Variants in TSNARE1 observed in about 807,000 individuals in gnomAD.
TSNARE1 encodes t-SNARE domain containing 1.
In TSNARE1, 49 loss-of-function variants were observed where a neutral mutation model predicts 62.0. That is an observed-to-expected ratio of 0.79 (90% CI 0.63 to 1.00). The LOEUF is 1.00. Among genes scored for constraint, TSNARE1 ranks in the 50% least tolerant of loss-of-function variants. The pLI, the probability that TSNARE1 is intolerant of heterozygous loss-of-function variation, is 0.00. For missense variants in TSNARE1, 755 were observed against 700.1 expected (o/e 1.08, Z -0.88); for synonymous variants, 328 against 294.4 (o/e 1.11, Z -1.17).
chr8:142,356,935 G>A (rs1374080509), intron 1 of TSNARE1, among the ~76,000 whole-genome samples: 1 of 152,112 alleles, frequency 6.6e-6, no homozygotes, highest in Non-Finnish European at 1.5e-5. Flanking sequence ...GGACAGGAAG[G>A]GGGGACGCCA....
chr8:142,356,890 G>C (rs922596867), intron 1 of TSNARE1, among the ~76,000 whole-genome samples: 4 of 152,042 alleles, frequency 2.6e-5, no homozygotes, highest in African/African-American at 7.3e-5. Context: ...TCAAAGGAAC[G>C]AGCTCAGATA....
intron 1 of TSNARE1, among the ~76,000 whole-genome samples, chr8:142,396,098 T>C (rs1465838894): frequency 6.6e-6 from 1 of 151,968 alleles, no homozygotes. Flanking sequence ...CTCAGAACAC[T>C]GGCCCTCATC....
At position 142,237,987 on chromosome 8, in the gene TSNARE1, G is replaced by A. The variant is rs542340926; in HGVS notation, c.1447-8408C>T. 3.3e-5 allele frequency among the ~76,000 whole-genome samples: 5 copies of A among 151,226 alleles called. No homozygotes were observed. In the South Asian group the frequency reaches 6.3e-4, roughly 19 times the overall value. ...TGGCCCACGCCACCCGCCTGCCCACGCCACCCGCCCAGGTCTCCATGCATC... is the reference window on the plus strand; with the variant it reads ...TGGCCCACGCCACCCGCCTGCCCACACCACCCGCCCAGGTCTCCATGCATC... On this transcript the variant is annotated intron_variant, in intron 12 of 13. Transcript: ENST00000524325.
At chr8:142,254,822 G>C (rs1478462708) in intron 12 of TSNARE1, among the ~76,000 whole-genome samples, 1 of 152,208 alleles carries the variant, frequency 6.6e-6, no homozygotes, top group Non-Finnish European at 1.5e-5. Flanking sequence ...GCTGAGGACG[G>C]CCAAGGGGAG....
intron 12 of TSNARE1, among the ~76,000 whole-genome samples, chr8:142,263,603 T>A (rs1200887441): frequency 2.0e-5 from 3 of 152,250 alleles, no homozygotes; most frequent in Non-Finnish European, 1.5e-5. Context: ...TGGGGTAGAA[T>A]ACGCTTTAAA....
intron 1 of TSNARE1, among the ~76,000 whole-genome samples, chr8:142,363,719 C>T (rs1044851199): frequency 1.3e-5 from 2 of 152,172 alleles, no homozygotes; most frequent in Non-Finnish European, 2.9e-5. Flanking sequence ...CCCTCTACTG[C>T]CCACTGCCCA....
intron 13 of TSNARE1, among the ~76,000 whole-genome samples, chr8:142,220,950 A>AT (rs1427831790): frequency 6.6e-6 from 1 of 152,256 alleles, no homozygotes; most frequent in African/African-American, 2.4e-5. Context: ...CCCTGCTGGC[A>AT]TACAGCAAGC....
intron 10 of TSNARE1, among the ~76,000 whole-genome samples, chr8:142,296,865 G>A (rs531177417): frequency 2.6e-4 from 40 of 152,204 alleles, no homozygotes; most frequent in Non-Finnish European, 5.1e-4. Context: ...AGGCCTGGGC[G>A]GGGGCAAGGT....
chr8:142,379,199 T>G (rs1836551379), intron 1 of TSNARE1, among the ~76,000 whole-genome samples: 2 of 152,204 alleles, frequency 1.3e-5, no homozygotes, highest in Admixed American at 1.3e-4. Context: ...CTCATCTGTA[T>G]AGTGGGCATG....
chr8:142,388,499 A>G (rs1837261662), intron 1 of TSNARE1, among the ~76,000 whole-genome samples: 1 of 140,614 alleles, frequency 7.1e-6, no homozygotes, highest in Non-Finnish European at 1.5e-5. Flanking sequence ...AAGATAATGA[A>G]CTAAAAAAAA....
chr8:142,360,991 A>C (rs1303052964), intron 1 of TSNARE1, among the ~76,000 whole-genome samples: 1 of 152,150 alleles, frequency 6.6e-6, no homozygotes, highest in African/African-American at 2.4e-5. Context: ...TTCCCCCAGC[A>C]GATGGGAACA....
At chr8:142,271,610 G>A in intron 12 of TSNARE1, 2 of 1,433,902 alleles carry the variant, frequency 1.4e-6, no homozygotes, top group Admixed American at 2.7e-5. Context: ...TAAGTCCAGG[G>A]GGTCAGGTTC....
intron 1 of TSNARE1, among the ~76,000 whole-genome samples, chr8:142,372,445 G>A (rs1489822879): frequency 1.3e-5 from 2 of 152,232 alleles, no homozygotes; most frequent in Non-Finnish European, 1.5e-5. Flanking sequence ...AGCAGCCACA[G>A]GATGGACCCC....
chr8:142,237,284 C>T (rs1351329082), intron 12 of TSNARE1, among the ~76,000 whole-genome samples: 2 of 152,232 alleles, frequency 1.3e-5, no homozygotes, highest in East Asian at 3.9e-4. Context: ...CTGCTCCGCC[C>T]ACCAGTGTGT....
chr8:142,320,555 C>T (rs1829339002), intron 6 of TSNARE1, among the ~76,000 whole-genome samples: 2 of 152,236 alleles, frequency 1.3e-5, no homozygotes, highest in Admixed American at 1.3e-4. Flanking sequence ...CCTCCTGTAC[C>T]TGCAACTTCA....
At chr8:142,287,040 G>C (rs1026162599) in intron 10 of TSNARE1, among the ~76,000 whole-genome samples, 2 of 152,236 alleles carry the variant, frequency 1.3e-5, no homozygotes, top group Non-Finnish European at 2.9e-5. Flanking sequence ...GCTGGAATCC[G>C]CATCCAACCC....
chr8:142,287,879 G>C (rs1413546841), intron 10 of TSNARE1, among the ~76,000 whole-genome samples: 1 of 146,172 alleles, frequency 6.8e-6, no homozygotes, highest in Non-Finnish European at 1.5e-5. Flanking sequence ...CCAGGACCTC[G>C]GCCAGATCTC....
intron 13 of TSNARE1, among the ~76,000 whole-genome samples, chr8:142,218,175 T>C (rs1401212117): frequency 1.3e-5 from 2 of 149,932 alleles, no homozygotes; most frequent in Non-Finnish European, 3.0e-5. Context: ...CAGGCCTCAG[T>C]GTGACCAGGA....
Position 142,318,605 on chromosome 8 carries a change from G to A in TSNARE1, c.923C>T (p.Thr308Ile). ...CACGGAGCTGGCGCTGGCTGCAATG[G>A]TCTTGTTGGTCTCCTGCTGTGCCGT... ...LHTAQQETNK[T>I]IAASASSVKQ... Residue 308 changes from threonine (T) to isoleucine (I), a missense_variant, in exon 7 of 14, where the codon ACC (threonine) becomes ATC (isoleucine). Physicochemically the swap from Thr to Ile is moderately conservative, Grantham distance 89. Coordinates refer to ENST00000524325, the MANE Select transcript of TSNARE1 (RefSeq NM_145003.5). 1 of 1,613,828 alleles carries A rather than the reference G, an allele frequency of 6.2e-7. No homozygotes were observed. Among genetic ancestry groups the A allele is most frequent in the Non-Finnish European group, 8.5e-7 (1 of 1,180,014 alleles).
Sources: allele counts gnomAD v4.1 joint callset (sites outside exome capture counted in the v4.1 genomes callset), GRCh38; gene constraint gnomAD v4.1.1; transcripts MANE v1.5; gene names NCBI Gene and HGNC (gene_info 2026-07-23, HGNC 2026-07-21).